The following MIPEP variants were observed in gnomAD, a reference collection of about 807,000 sequenced individuals.
The protein encoded by MIPEP is mitochondrial intermediate peptidase.
In MIPEP, 79 loss-of-function variants were observed where a neutral mutation model predicts 90.3. That is an observed-to-expected ratio of 0.87 (90% confidence interval 0.73 to 1.05). The LOEUF is 1.05. Among genes scored for constraint, MIPEP ranks in the 50% least tolerant of loss-of-function variants. The pLI, the probability that MIPEP is intolerant of heterozygous loss-of-function variation, is 0.00. For synonymous variants in MIPEP, 334 were observed against 315.8 expected, an observed-to-expected ratio of 1.06 and a Z score of -0.61; for missense variants, 940 against 905.6, an observed-to-expected ratio of 1.04 and a Z score of -0.49.
chr13:23,787,718 A>C (rs1251101163), intron 16 of MIPEP, among the ~76,000 whole-genome samples: 7 of 152,184 alleles, frequency 4.6e-5, no homozygotes, highest in African/African-American at 1.2e-4. Flanking sequence ...CTCCAAGAAT[A>C]TCTCTTTTAG....
chr13:23,870,105 G>C lies in MIPEP; in HGVS notation c.694C>G (p.His232Asp), dbSNP rs775708570. The change falls in exon 6 of 19, where the codon CAT becomes GAT. Residue 232 changes from histidine (H) to aspartate (D), a missense_variant. Physicochemically the swap from His to Asp is moderately conservative, Grantham distance 81. Coordinates refer to ENST00000382172, the MANE Select transcript of MIPEP (RefSeq NM_005932.4). The stretch of plus-strand genomic sequence containing the variant: ...CGACGAATGTGTTCTGGTAAGAGAT[G>C]CTTCTCAATCTTGTTGGGAAAATTG... Reference protein sequence around the residue: ...GTNFPNKIEKHLLPEHIRRNF... With the variant: ...GTNFPNKIEKDLLPEHIRRNF... 3 of 1,612,502 alleles carry C rather than the reference G, an allele frequency of 1.9e-6. No homozygotes were observed. Among genetic ancestry groups the C allele is most frequent in the Non-Finnish European group, 2.5e-6 (3 of 1,179,136 alleles).
chr13:23,871,722 T>C (rs1001977142), intron 5 of MIPEP, among the ~76,000 whole-genome samples: 2 of 152,222 alleles, frequency 1.3e-5, no homozygotes, highest in African/African-American at 4.8e-5. Flanking sequence ...AATTTCAATA[T>C]AGAAAATTCA....
chr13:23,847,300 A>G (rs1323203617), intron 10 of MIPEP, among the ~76,000 whole-genome samples: 3 of 152,176 alleles, frequency 2.0e-5, no homozygotes, highest in Non-Finnish European at 4.4e-5. Context: ...CAGTGAACAA[A>G]GATTGAGAAC....
intron 14 of MIPEP, among the ~76,000 whole-genome samples, chr13:23,835,871 T>C (rs1016971464): frequency 1.3e-5 from 2 of 152,144 alleles, no homozygotes; most frequent in Admixed American, 6.5e-5. Context: ...AGAGAATAAA[T>C]ATTCAGAAGC....
At chr13:23,762,049 C>T (rs1426855421) in intron 16 of MIPEP, among the ~76,000 whole-genome samples, 1 of 152,016 alleles carries the variant, frequency 6.6e-6, no homozygotes. Context: ...TGCTTGAACC[C>T]GGGAGGCGGA....
chr13:23,796,197 T>C (rs940017959), intron 16 of MIPEP, among the ~76,000 whole-genome samples: 1 of 150,280 alleles, frequency 6.7e-6, no homozygotes, highest in Admixed American at 6.6e-5. Flanking sequence ...GGTGGGCGGA[T>C]AACTTGAGGC....
chr13:23,802,325 A>C (rs1053509538), intron 16 of MIPEP, among the ~76,000 whole-genome samples: 10 of 152,172 alleles, frequency 6.6e-5, no homozygotes, highest in Admixed American at 2.6e-4. Context: ...CTGTAATCCT[A>C]GCACTTTGGG....
chr13:23,846,560 C>A (rs1000550821), intron 10 of MIPEP, among the ~76,000 whole-genome samples: 3 of 151,882 alleles, frequency 2.0e-5, no homozygotes, highest in Admixed American at 2.0e-4. Flanking sequence ...TGTCTAAACA[C>A]GAAATTTATT....
In MIPEP at chr13:23,760,245, G is replaced by T. The variant is rs556005069; in HGVS notation, c.1849-28C>A. 3.1e-6 allele frequency: 5 copies of T among 1,613,710 alleles called. No individual in the cohort carries two copies. The South Asian group carries it at 5.5e-5, about 18-fold the overall frequency. On this transcript the variant is annotated intron_variant, in intron 16 of 18. Coordinates refer to ENST00000382172, the MANE Select transcript of MIPEP (RefSeq NM_005932.4). ...GCCAAGAACAGAGAGACACAGCACG[G>T]GACACAAGTCAGTTTCCACTTGGAG... is the stretch of plus-strand genomic sequence containing the variant.
At chr13:23,762,177 C>CT (rs1004764039) in intron 16 of MIPEP, among the ~76,000 whole-genome samples, 12 of 151,272 alleles carry the variant, frequency 7.9e-5, no homozygotes, top group African/African-American at 1.5e-4. Context: ...AAAAGCTTAA[C>CT]TTTTTTTTTA....
chr13:23,874,596 A>G (rs1870977797), intron 5 of MIPEP, among the ~76,000 whole-genome samples: 1 of 152,192 alleles, frequency 6.6e-6, no homozygotes, highest in East Asian at 1.9e-4. Flanking sequence ...TCCTAATTCC[A>G]TGATTATCTA....
intron 14 of MIPEP, among the ~76,000 whole-genome samples, chr13:23,821,095 T>C (rs1953300095): frequency 6.6e-6 from 1 of 152,242 alleles, no homozygotes; most frequent in East Asian, 1.9e-4. Flanking sequence ...TTTTCAGATA[T>C]CACCTATCAA....
intron 18 of MIPEP, among the ~76,000 whole-genome samples, chr13:23,751,061 AAC>A (rs1449833295): frequency 8.8e-6 from 1 of 113,558 alleles, no homozygotes; most frequent in East Asian, 2.9e-4. Flanking sequence ...GAATGGTGTA[AAC>A]CCAATTTCTG....
At chr13:23,846,849 T>C (rs1466350367) in intron 10 of MIPEP, among the ~76,000 whole-genome samples, 1 of 152,056 alleles carries the variant, frequency 6.6e-6, no homozygotes, top group East Asian at 1.9e-4. Flanking sequence ...ATGATGATGA[T>C]GATGGTAACT....
chr13:23,858,317 T>TC (rs1870131979), intron 10 of MIPEP, among the ~76,000 whole-genome samples: 1 of 151,464 alleles, frequency 6.6e-6, no homozygotes, highest in Admixed American at 6.6e-5. Context: ...GCCAGAGGAG[T>TC]ACTTCTGTCA....
At chr13:23,869,181 G>C in intron 7 of MIPEP, 111 bp downstream of exon 7, 1 of 907,916 alleles carries the variant, frequency 1.1e-6, no homozygotes, top group East Asian at 2.7e-5. Flanking sequence ...CTCAATAAAT[G>C]GTTCTCTACA....
chr13:23,757,543 A>G (rs1952500988), intron 17 of MIPEP, among the ~76,000 whole-genome samples: 1 of 152,206 alleles, frequency 6.6e-6, no homozygotes, highest in African/African-American at 2.4e-5. Context: ...CACCTAATAA[A>G]GAAGAGAAAA....
At chr13:23,772,524 G>A (rs551472522) in intron 16 of MIPEP, among the ~76,000 whole-genome samples, 1 of 152,246 alleles carries the variant, frequency 6.6e-6, no homozygotes, top group Non-Finnish European at 1.5e-5. Context: ...GAATCAACTA[G>A]CATTACTTTA....
Position 23,796,416 on chromosome 13 carries a change from C to CA in MIPEP, c.1848+9533dup, listed in dbSNP as rs201291153. Among the ~76,000 whole-genome samples the CA allele has an allele frequency of 2.3e-3, 345 of 148,790 alleles. 2 individuals are homozygous for CA. Among genetic ancestry groups the CA allele is most frequent in the African/African-American group, 7.3e-3 (297 of 40,504 alleles). ...TTGGCAACAGAGCGAGACTCCATCTCAAAAAAAAACCAAACAAACAAAAAT... is the reference window on the plus strand; with the variant it reads ...TTGGCAACAGAGCGAGACTCCATCTCAAAAAAAAAACCAAACAAACAAAAAT... On this transcript the variant is annotated intron_variant, in intron 16 of 18. Transcript: ENST00000382172.
Sources: allele counts gnomAD v4.1 joint callset (sites outside exome capture counted in the v4.1 genomes callset), GRCh38; gene constraint gnomAD v4.1.1; transcripts MANE v1.5; gene names NCBI Gene and HGNC (gene_info 2026-07-23, HGNC 2026-07-21).